MACROD2: variants seen among roughly 807,000 people sequenced by gnomAD.
MACROD2 encodes ADP-ribose glycohydrolase MACROD2.
Under a neutral mutation model 70.4 loss-of-function variants are expected in MACROD2, and 36 were observed. That is an observed-to-expected ratio of 0.51 (90% CI 0.39 to 0.68). The LOEUF is 0.68. MACROD2 is among the 30% of genes least tolerant of loss of function. The pLI, the probability that MACROD2 is intolerant of heterozygous loss-of-function variation, is 0.00. For missense variants in MACROD2, 496 were observed against 538.4 expected (o/e 0.92, Z 0.78); for synonymous variants, 172 against 178.8 (o/e 0.96, Z 0.30).
chr20:15,742,063 A>C (rs1248032497), intron 8 of MACROD2, among the ~76,000 whole-genome samples: 1 of 152,202 alleles, frequency 6.6e-6, no homozygotes, highest in Non-Finnish European at 1.5e-5. Context: ...GCAGCTGAAT[A>C]ATTTGACACT....
intron 15 of MACROD2, among the ~76,000 whole-genome samples, chr20:15,995,632 G>A (rs1846110478): frequency 2.4e-5 from 3 of 125,284 alleles, no homozygotes; most frequent in African/African-American, 8.8e-5. Flanking sequence ...TTACAGGCAT[G>A]AGCCACTATG....
rs557439911 is a variant in MACROD2, at chr20:15,709,991, A to G, written c.646-152754A>G. On this transcript the variant is annotated intron_variant, in intron 8 of 17. Coordinates refer to ENST00000684519, the MANE Select transcript of MACROD2 (RefSeq NM_001351661.2). ...AACCACTGTTCTACTCTCTACTTCT[A>G]TAAGGTCAACTTTTTTAGCTTCTAC... Among the ~76,000 whole-genome samples the G allele has an allele frequency of 1.2e-3, 179 of 152,234 alleles. 1 individual carries two copies. Among genetic ancestry groups the G allele is most frequent in the African/African-American group, 4.1e-3 (170 of 41,542 alleles).
intron 4 of MACROD2, among the ~76,000 whole-genome samples, chr20:14,520,926 TACAC>T (rs1008323360): frequency 6.0e-5 from 9 of 150,040 alleles, no homozygotes; most frequent in African/African-American, 2.2e-4. Context: ...CAGACACAGA[TACAC>T]ACACAGACAT....
chr20:15,841,636 C>T (rs2064171844), intron 8 of MACROD2, among the ~76,000 whole-genome samples: 1 of 152,010 alleles, frequency 6.6e-6, no homozygotes, highest in Admixed American at 6.6e-5. Context: ...AGAAATCCAC[C>T]CCCATGATTC....
intron 2 of MACROD2, among the ~76,000 whole-genome samples, chr20:14,054,112 G>A (rs994288300): frequency 6.0e-5 from 9 of 151,030 alleles, no homozygotes; most frequent in Admixed American, 3.3e-4. Context: ...AGCACTTATT[G>A]TAATTGGTTG....
chr20:15,524,289 G>A (rs977095462), intron 8 of MACROD2, among the ~76,000 whole-genome samples: 20 of 151,832 alleles, frequency 1.3e-4, no homozygotes, highest in Admixed American at 1.2e-3. Context: ...AGGGGCCAAG[G>A]CAGGCCACGT....
intron 7 of MACROD2, among the ~76,000 whole-genome samples, chr20:15,475,562 A>G (rs2047011909): frequency 6.6e-6 from 1 of 152,218 alleles, no homozygotes; most frequent in African/African-American, 2.4e-5. Context: ...ATTTACAGCC[A>G]TCATTGTGTT....
intron 5 of MACROD2, among the ~76,000 whole-genome samples, chr20:15,016,161 G>A (rs188990831): frequency 6.6e-6 from 1 of 152,084 alleles, no homozygotes; most frequent in African/African-American, 2.4e-5. Context: ...TCACTTTCTG[G>A]GTGTTAATGA....
intron 5 of MACROD2, among the ~76,000 whole-genome samples, chr20:14,769,596 G>C (rs991648329): frequency 2.0e-5 from 3 of 152,050 alleles, no homozygotes; most frequent in African/African-American, 7.3e-5. Context: ...TTTTGCATCA[G>C]AGTCAAAACA....
In MACROD2 at chr20:15,731,557, G is replaced by C; in HGVS notation, c.646-131188G>C. Among the ~76,000 whole-genome samples, 2 of 56,600 alleles carry C rather than the reference G, an allele frequency of 3.5e-5. 1 individual carries two copies. 37.1% of individuals were successfully genotyped at this position (56,600 alleles called of 152,430 possible). ...TTGAGGTTAGAAACCAGCTGCACTAGAAAGGCCAACGTGTTTCCAGTCCAC... is the reference window on the plus strand; with the variant it reads ...TTGAGGTTAGAAACCAGCTGCACTACAAAGGCCAACGTGTTTCCAGTCCAC... On this transcript the variant is annotated intron_variant, in intron 8 of 17. Coordinates refer to ENST00000684519, the MANE Select transcript of MACROD2 (RefSeq NM_001351661.2).
At chr20:14,150,925 C>A (rs573484533) in intron 3 of MACROD2, among the ~76,000 whole-genome samples, 1 of 152,252 alleles carries the variant, frequency 6.6e-6, no homozygotes, top group Admixed American at 6.5e-5. Flanking sequence ...GTGATTCCTG[C>A]AAGTCAACTT....
chr20:14,637,289 A>T (rs536341674), intron 4 of MACROD2, among the ~76,000 whole-genome samples: 35 of 152,292 alleles, frequency 2.3e-4, no homozygotes, highest in Non-Finnish European at 4.9e-4. Context: ...AGAAGAAAAA[A>T]TCCACTCTAA....
intron 3 of MACROD2, among the ~76,000 whole-genome samples, chr20:14,484,850 G>A (rs1463154940): frequency 1.3e-5 from 2 of 152,152 alleles, no homozygotes; most frequent in East Asian, 3.8e-4. Flanking sequence ...GTTGATGGAT[G>A]CTTAGGTTGC....
At chr20:15,407,561 G>T (rs899530931) in intron 6 of MACROD2, among the ~76,000 whole-genome samples, 1 of 152,162 alleles carries the variant, frequency 6.6e-6, no homozygotes, top group Non-Finnish European at 1.5e-5. Flanking sequence ...GCTAGAGGTG[G>T]GTAGAGAGGC....
intron 7 of MACROD2, among the ~76,000 whole-genome samples, chr20:15,442,264 G>A (rs559528515): frequency 6.6e-6 from 1 of 152,156 alleles, no homozygotes; most frequent in Non-Finnish European, 1.5e-5. Context: ...TTTTAAAAAT[G>A]TATTGTGAAA....
At chr20:15,491,293 A>G (rs960097238) in intron 7 of MACROD2, among the ~76,000 whole-genome samples, 11 of 152,176 alleles carry the variant, frequency 7.2e-5, no homozygotes, top group East Asian at 3.8e-4. Context: ...GCTATTTTAT[A>G]GAACATTTCT....
At chr20:15,510,870 C>G (rs1558739) in intron 8 of MACROD2, among the ~76,000 whole-genome samples, 1 of 152,094 alleles carries the variant, frequency 6.6e-6, no homozygotes, top group Non-Finnish European at 1.5e-5. Flanking sequence ...ATTTATGAAC[C>G]CCTTCGAAGT....
intron 10 of MACROD2, among the ~76,000 whole-genome samples, chr20:15,921,808 C>T (rs553957430): frequency 1.6e-4 from 24 of 152,290 alleles, no homozygotes; most frequent in East Asian, 3.9e-4. Context: ...AGTAGAGAAG[C>T]GGTGAAGTGA....
chr20:15,188,557 C>G (rs2076548770), intron 5 of MACROD2, among the ~76,000 whole-genome samples: 1 of 152,194 alleles, frequency 6.6e-6, no homozygotes. Context: ...CCGTATTCTT[C>G]TCTTCATACT....
Sources: gnomAD v4.1 joint callset for allele counts (sites outside exome capture counted in the v4.1 genomes callset) on GRCh38, gnomAD v4.1.1 for gene constraint, MANE v1.5 for transcripts, NCBI Gene and HGNC (gene_info 2026-07-23, HGNC 2026-07-21) for gene names.